Variants in PREP observed in about 807,000 individuals in gnomAD.
The protein encoded by PREP is prolyl endopeptidase.
PREP carries 29 observed loss-of-function variants against 87.6 expected under a neutral mutation model. That is an observed-to-expected ratio of 0.33 (90% CI 0.25 to 0.45). The LOEUF is 0.45. Ranked by LOEUF, PREP falls within the 20% of genes least tolerant of loss-of-function variation. PREP has a pLI of 1.00. For synonymous variants in PREP, 337 were observed against 328.6 expected, an observed-to-expected ratio of 1.03 and a Z score of -0.28; for missense variants, 695 against 886.5, an observed-to-expected ratio of 0.78 and a Z score of 2.74.
chr6:105,372,203 T>TG (rs1213919271), intron 5 of PREP, among the ~76,000 whole-genome samples: 5 of 150,156 alleles, frequency 3.3e-5, no homozygotes, highest in East Asian at 1.9e-4. Flanking sequence ...AATTCAATTG[T>TG]GGGGGAAAAA....
rs80346818 is a variant in PREP at position 105,323,870 on chromosome 6, G to A, written c.1214-102C>T. The A allele has an allele frequency of 6.1e-6, 6 of 988,694 alleles. No individual in the cohort carries two copies. The South Asian group carries it at 6.7e-5, about 11-fold the overall frequency. 61.2% of individuals were successfully genotyped at this position (988,694 alleles called of 1,614,324 possible). ...CCAAATGCCAGCAATGGCAAGAGAG[G>A]ATCATTTATCAGGGACTTGGTTAAT... is the stretch of plus-strand genomic sequence containing the variant. On this transcript the variant is annotated intron_variant, in intron 9 of 14. Coordinates refer to ENST00000652536, the MANE Select transcript of PREP (RefSeq NM_002726.5).
At position 105,343,306 on chromosome 6, in the gene PREP, G is replaced by C. The variant is rs533811253; in HGVS notation, c.823+9666C>G. Among the ~76,000 whole-genome samples the C allele has an allele frequency of 2.4e-3, 363 of 152,276 alleles. 4 individuals are homozygous for C. Among genetic ancestry groups the C allele is most frequent in the African/African-American group, 8.2e-3 (340 of 41,546 alleles). On this transcript the variant is annotated intron_variant, in intron 7 of 14. Transcript: ENST00000652536. ...ATTCCCTATTTAATAAATGGTGCTG[G>C]GAAAACTGGCTAGCCATATGTAGAA... is the stretch of plus-strand genomic sequence containing the variant.
At chr6:105,331,233 T>C (rs1472300538) in intron 8 of PREP, among the ~76,000 whole-genome samples, 2 of 152,238 alleles carry the variant, frequency 1.3e-5, no homozygotes, top group African/African-American at 4.8e-5. Flanking sequence ...TGATGAGTTC[T>C]AGTGAACACT....
chr6:105,329,382 G>A (rs1387025889), intron 8 of PREP, among the ~76,000 whole-genome samples: 2 of 152,072 alleles, frequency 1.3e-5, no homozygotes, highest in Non-Finnish European at 2.9e-5. Context: ...TGAACTCCTG[G>A]CCTCAAGAGA....
chr6:105,376,764 A>G (rs1772698183), intron 3 of PREP, among the ~76,000 whole-genome samples: 1 of 152,194 alleles, frequency 6.6e-6, no homozygotes, highest in African/African-American at 2.4e-5. Context: ...TATGGACAAT[A>G]CGTAAACCGA....
intron 9 of PREP, 74 bp from the exon 10 acceptor site, chr6:105,323,842 C>T (rs1771081253): frequency 1.6e-6 from 2 of 1,246,006 alleles, no homozygotes; most frequent in African/African-American, 3.0e-5. Flanking sequence ...TCACAAACCA[C>T]AACCAAATGC....
At position 105,281,735 on chromosome 6, in the gene PREP, T is replaced by A. The variant is rs1261555708; in HGVS notation, c.1838+11A>T. ...ACCACTAACAACATATATATGTCAA[T>A]AAAACCTTACTTGACAAGCCATTCA... On this transcript the variant is annotated intron_variant, in intron 14 of 14. Coordinates refer to ENST00000652536, the MANE Select transcript of PREP (RefSeq NM_002726.5). 6.2e-7 allele frequency: 1 copy of A among 1,612,406 alleles called. No homozygotes were observed. Among genetic ancestry groups the A allele is most frequent in the Middle Eastern group, 1.7e-4 (1 of 6,044 alleles).
chr6:105,334,713 T>TCAA (rs573991003), intron 7 of PREP, among the ~76,000 whole-genome samples: 9,582 of 150,042 alleles, frequency 0.064, 373 homozygotes, highest in South Asian at 0.13. Flanking sequence ...AGACTCTGTC[T>TCAA]CAACAACAAC....
At position 105,376,062 on chromosome 6, in the gene PREP, C is replaced by T. The variant is rs757514278; in HGVS notation, c.385+63G>A. ...GCATTTCAGAGGTAAAGCAACTGCA[C>T]TAACTTCAGAGCTCCAAGTGAGGGT... is the stretch of plus-strand genomic sequence containing the variant. On this transcript the variant is annotated intron_variant, in intron 4 of 14. Transcript: ENST00000652536. The T allele has an allele frequency of 6.8e-4, 1,059 of 1,550,962 alleles. 3 individuals are homozygous for T. The highest frequency in any genetic ancestry group is 8.6e-4 in the Non-Finnish European group (992 of 1,147,994).
intron 10 of PREP, among the ~76,000 whole-genome samples, chr6:105,309,290 C>T (rs190480872): frequency 1.4e-4 from 21 of 152,250 alleles, no homozygotes; most frequent in African/African-American, 5.1e-4. Context: ...ACTGACTGCC[C>T]TGCCTGCTAA....
At position 105,278,102 on chromosome 6, in the gene PREP, T is replaced by C; in HGVS notation, c.*42A>G. The C allele has an allele frequency of 6.3e-7, 1 of 1,577,590 alleles. No individual in the cohort carries two copies. The highest frequency in any genetic ancestry group is 8.6e-7 in the Non-Finnish European group (1 of 1,158,604). ...TCTTGGTGTCAACGTGGGAAAGCCCTTGAGGTTTTCTGTCGCTGTCAGGAG... is the reference window on the plus strand; with the variant it reads ...TCTTGGTGTCAACGTGGGAAAGCCCCTGAGGTTTTCTGTCGCTGTCAGGAG... On this transcript the variant is annotated 3_prime_UTR_variant, in exon 15 of 15. Coordinates refer to ENST00000652536, the MANE Select transcript of PREP (RefSeq NM_002726.5). This position sits in a 1 kb window ranked among gnomAD's most constrained non-coding sequence, Gnocchi z 4.2.
intron 4 of PREP, among the ~76,000 whole-genome samples, chr6:105,375,886 C>A (rs1187436493): frequency 6.6e-6 from 1 of 152,128 alleles, no homozygotes; most frequent in Non-Finnish European, 1.5e-5. Context: ...TAATTTGGGT[C>A]CAGTGTTAAT....
chr6:105,326,658 C>A (rs1771167470), intron 9 of PREP, among the ~76,000 whole-genome samples: 1 of 152,170 alleles, frequency 6.6e-6, no homozygotes, highest in Non-Finnish European at 1.5e-5. Flanking sequence ...GTGTATATAC[C>A]CACACTGACA....
intron 7 of PREP, among the ~76,000 whole-genome samples, chr6:105,342,355 A>G (rs531592168): frequency 1.6e-4 from 25 of 152,356 alleles, no homozygotes; most frequent in Middle Eastern, 3.4e-3. Context: ...AAAACGCTCA[A>G]TAAACTAGGT....
At chr6:105,327,935 T>G (rs1033777452) in intron 9 of PREP, among the ~76,000 whole-genome samples, 1 of 151,950 alleles carries the variant, frequency 6.6e-6, no homozygotes, top group Non-Finnish European at 1.5e-5. Context: ...CAAAGCAAAA[T>G]GAATGTGACC....
intron 1 of PREP, among the ~76,000 whole-genome samples, chr6:105,402,277 T>TC (rs1050665891): frequency 6.6e-6 from 1 of 152,176 alleles, no homozygotes; most frequent in Non-Finnish European, 1.5e-5. Flanking sequence ...GTCTCTGGCA[T>TC]CCCCAGGGCC....
At chr6:105,289,398 C>T (rs767643734) in intron 10 of PREP, among the ~76,000 whole-genome samples, 2 of 152,154 alleles carry the variant, frequency 1.3e-5, no homozygotes, top group Non-Finnish European at 1.5e-5. Flanking sequence ...ATGCTCAAGA[C>T]GTCATTTTTC....
intron 10 of PREP, among the ~76,000 whole-genome samples, chr6:105,318,418 G>A (rs1012304990): frequency 3.9e-5 from 6 of 152,150 alleles, no homozygotes; most frequent in Admixed American, 2.0e-4. Flanking sequence ...CAGTGGAGCA[G>A]AGACTGCAGC....
chr6:105,301,383 C>T (rs1200969081), intron 10 of PREP, among the ~76,000 whole-genome samples: 3 of 152,242 alleles, frequency 2.0e-5, no homozygotes, highest in African/African-American at 7.2e-5. Flanking sequence ...AGGAACAAGA[C>T]ATTCCATTAC....
Sources: gnomAD v4.1 joint callset for allele counts (sites outside exome capture counted in the v4.1 genomes callset) on GRCh38, gnomAD v4.1.1 for gene constraint, Gnocchi (gnomAD v3.1) non-coding constraint, MANE v1.5 for transcripts, NCBI Gene and HGNC (gene_info 2026-07-23, HGNC 2026-07-21) for gene names.